The following LINGO1 variants were observed in gnomAD, a reference collection of about 807,000 sequenced individuals.
LINGO1 encodes leucine rich repeat and Ig domain containing 1, also known as leucine-rich repeat and immunoglobulin-like domain-containing nogo receptor-interacting protein 1.
A neutral mutation model predicts 37.3 loss-of-function variants in LINGO1; 11 were observed. The observed-to-expected ratio is 0.29, with a 90% CI of 0.19 to 0.49. LINGO1 has a LOEUF of 0.49. Ranked by LOEUF, LINGO1 falls within the 20% of genes least tolerant of loss-of-function variation. The probability of loss-of-function intolerance (pLI) is 0.99; values close to 1 mark genes in which losing one functional copy is unlikely to be tolerated. For synonymous variants in LINGO1, 387 were observed against 403.0 expected, an observed-to-expected ratio of 0.96 and a Z score of 0.48; for missense variants, 585 against 878.2, an observed-to-expected ratio of 0.67 and a Z score of 4.22.
At chr15:77,630,023 A>C (rs1469431989) in intron 1 of LINGO1, among the ~76,000 whole-genome samples, 1 of 152,112 alleles carries the variant, frequency 6.6e-6, no homozygotes, top group Admixed American at 6.5e-5. Flanking sequence ...GAACTGGTGG[A>C]AACAGAACAG....
At chr15:77,777,439 A>AACAGATTTTGTACTTAT (rs2076669578) in intron 1 of LINGO1, among the ~76,000 whole-genome samples, 1 of 57,596 alleles carries the variant, frequency 1.7e-5, no homozygotes, top group African/African-American at 4.4e-5. Flanking sequence ...GGCCCAGTGA[A>AACAGATTTTGTACTTAT]ACAGATTTTG....
intron 1 of LINGO1, among the ~76,000 whole-genome samples, chr15:77,741,747 T>C (rs1317416460): frequency 1.3e-5 from 2 of 152,228 alleles, no homozygotes; most frequent in Non-Finnish European, 2.9e-5. Flanking sequence ...CAGGTACAGT[T>C]GGAGGTAAAG....
At chr15:77,618,329 C>T (rs2142503381) in intron 1 of LINGO1, among the ~76,000 whole-genome samples, 1 of 152,298 alleles carries the variant, frequency 6.6e-6, no homozygotes, top group East Asian at 1.9e-4. Flanking sequence ...CTTTTCCCAC[C>T]AGTCCCTGAG....
chr15:77,678,492 G>A (rs774495887), intron 2 of LINGO1, among the ~76,000 whole-genome samples: 3 of 152,208 alleles, frequency 2.0e-5, no homozygotes, highest in Non-Finnish European at 4.4e-5. Flanking sequence ...ATTAATATCT[G>A]TGTTGCCTCT....
At chr15:77,628,619 T>C (rs1187929617) in intron 1 of LINGO1, among the ~76,000 whole-genome samples, 1 of 152,160 alleles carries the variant, frequency 6.6e-6, no homozygotes, top group East Asian at 1.9e-4. Context: ...CAGGAGCACA[T>C]GGGGAGATGT....
intron 1 of LINGO1, among the ~76,000 whole-genome samples, chr15:77,779,075 G>T (rs987999052): frequency 2.0e-5 from 3 of 152,004 alleles, no homozygotes; most frequent in African/African-American, 7.3e-5. Flanking sequence ...TGCTTTGAAT[G>T]GTCTCCCCAG....
At chr15:77,675,383 G>A (rs2075310811) in intron 3 of LINGO1, among the ~76,000 whole-genome samples, 1 of 152,178 alleles carries the variant, frequency 6.6e-6, no homozygotes, top group African/African-American at 2.4e-5. Context: ...CAACCTAAAT[G>A]GCTGCCAACA....
chr15:77,686,721 T>A (rs2075517357), intron 2 of LINGO1, among the ~76,000 whole-genome samples: 1 of 152,146 alleles, frequency 6.6e-6, no homozygotes, highest in Admixed American at 6.5e-5. Context: ...GGGGACCCCA[T>A]CACAGCCTCC....
chr15:77,664,790 G>A (rs1183137518), intron 3 of LINGO1, among the ~76,000 whole-genome samples: 1 of 152,236 alleles, frequency 6.6e-6, no homozygotes, highest in Non-Finnish European at 1.5e-5. Flanking sequence ...AGGCCTGAGA[G>A]CAGCAAGTTC....
chr15:77,733,099 C>G (rs1596167729), intron 2 of LINGO1, among the ~76,000 whole-genome samples: 1 of 152,278 alleles, frequency 6.6e-6, no homozygotes, highest in East Asian at 1.9e-4. Flanking sequence ...GTGCAGCAGC[C>G]ACCCCCACAG....
intron 1 of LINGO1, among the ~76,000 whole-genome samples, chr15:77,819,688 C>T (rs2077082130): frequency 6.6e-6 from 1 of 151,170 alleles, no homozygotes; most frequent in Admixed American, 6.6e-5. Flanking sequence ...GGAGCGCGGC[C>T]CTGGGCCCCT....
intron 3 of LINGO1, among the ~76,000 whole-genome samples, chr15:77,671,186 C>A (rs1420530253): frequency 6.6e-6 from 1 of 151,558 alleles, no homozygotes; most frequent in African/African-American, 2.4e-5. Flanking sequence ...TACCCAGGAC[C>A]TGGGCCAGCC....
chr15:77,643,895 G>A (rs2141116985), intron 3 of LINGO1, among the ~76,000 whole-genome samples: 1 of 152,290 alleles, frequency 6.6e-6, no homozygotes, highest in African/African-American at 2.4e-5. Flanking sequence ...ATGGCTCAAG[G>A]ACCTCCTGAA....
chr15:77,635,064 A>G (rs2074369739), upstream of LINGO1, among the ~76,000 whole-genome samples: 1 of 152,160 alleles, frequency 6.6e-6, no homozygotes, highest in Non-Finnish European at 1.5e-5. Context: ...GCTAACCCCC[A>G]GGTGCTACCG....
upstream of LINGO1, among the ~76,000 whole-genome samples, chr15:77,633,764 GC>G (rs1395439298): frequency 2.0e-5 from 3 of 152,182 alleles, no homozygotes; most frequent in Non-Finnish European, 4.4e-5. Context: ...CTTCAGACGG[GC>G]CCAAGGAATG....
At chr15:77,695,680 T>A (rs766352659) in intron 1 of LINGO1, among the ~76,000 whole-genome samples, 2 of 152,064 alleles carry the variant, frequency 1.3e-5, no homozygotes, top group Non-Finnish European at 2.9e-5. Flanking sequence ...GGCAAGGCCA[T>A]CTGCCCAGCC....
At chr15:77,811,186 G>T (rs1280700822) in intron 1 of LINGO1, among the ~76,000 whole-genome samples, 2 of 151,998 alleles carry the variant, frequency 1.3e-5, no homozygotes, top group Non-Finnish European at 2.9e-5. Flanking sequence ...CAGCCCAGCT[G>T]CTTCTGCCAA....
chr15:77,672,634 C>G (rs1297107771), intron 3 of LINGO1, among the ~76,000 whole-genome samples: 3 of 152,174 alleles, frequency 2.0e-5, no homozygotes, highest in African/African-American at 7.2e-5. Flanking sequence ...CAGCCCCACA[C>G]CTGTGAGGCG....
chr15:77,678,976 A>G (rs755405971), intron 2 of LINGO1, among the ~76,000 whole-genome samples: 3 of 151,998 alleles, frequency 2.0e-5, no homozygotes, highest in Non-Finnish European at 4.4e-5. Context: ...TCTCAGCTCA[A>G]TGCAACTTCC....
Sources: gnomAD v4.1 joint callset for allele counts (sites outside exome capture counted in the v4.1 genomes callset) on GRCh38, gnomAD v4.1.1 for gene constraint, MANE v1.5 for transcripts, NCBI Gene and HGNC (gene_info 2026-07-23, HGNC 2026-07-21) for gene names.